The following TAF11 variants were observed in gnomAD, a reference collection of about 807,000 sequenced individuals.
TAF11 encodes transcription initiation factor TFIID subunit 11.
TAF11 carries 10 observed loss-of-function variants against 23.0 expected under a neutral mutation model. The observed-to-expected ratio is 0.43, with a 90% CI of 0.27 to 0.74. The LOEUF is 0.74. Among genes scored for constraint, TAF11 ranks in the 30% least tolerant of loss-of-function variants. The pLI, the probability that TAF11 is intolerant of heterozygous loss-of-function variation, is 0.19. For synonymous variants in TAF11, 85 were observed against 95.8 expected (o/e 0.89, Z 0.66); for missense variants, 196 against 261.7 (o/e 0.75, Z 1.73).
At position 34,882,979 on chromosome 6, in the gene TAF11, CTTTT is replaced by C; in HGVS notation, c.269_272del (p.Glu90GlyfsTer8). On this transcript the variant is annotated frameshift_variant, in exon 2 of 5. Coordinates refer to ENST00000361288, the MANE Select transcript of TAF11 (RefSeq NM_005643.4). LOFTEE classifies it high-confidence loss of function. Reference sequence around the variant, plus strand: ...CATCTACTTTCTGCTTTTTCTCTTTCTTTTCTTTGGTATCTATTTTCAGTTTTTT... The same window carrying C: ...CATCTACTTTCTGCTTTTTCTCTTTCCTTTGGTATCTATTTTCAGTTTTTT... 1 of 1,609,452 alleles carries C rather than the reference CTTTT, an allele frequency of 6.2e-7. No homozygotes were observed. Among genetic ancestry groups the C allele is most frequent in the Non-Finnish European group, 8.5e-7 (1 of 1,178,592 alleles).
Position 34,883,690 on chromosome 6 carries a change from C to T in TAF11, c.172-610G>A, listed in dbSNP as rs185912914. On this transcript the variant is annotated intron_variant, in intron 1 of 4. Coordinates refer to ENST00000361288, the MANE Select transcript of TAF11 (RefSeq NM_005643.4). ...TCTCTTATTATTTATATCTCCCCCCCATCAGCATTTAATGCAATTTTACTT... is the reference window on the plus strand; with the variant it reads ...TCTCTTATTATTTATATCTCCCCCCTATCAGCATTTAATGCAATTTTACTT... Among the ~76,000 whole-genome samples the T allele has an allele frequency of 9.8e-5, 15 of 152,290 alleles. No homozygotes were observed. In the East Asian group the frequency reaches 2.3e-3, roughly 23 times the overall value.
At chr6:34,883,568 C>G (rs1261312596) in intron 1 of TAF11, among the ~76,000 whole-genome samples, 2 of 152,234 alleles carry the variant, frequency 1.3e-5, no homozygotes, top group Non-Finnish European at 2.9e-5. Context: ...TTCAAGTGAG[C>G]TTCTCACACG....
chr6:34,881,383 A>G (rs1174027625), intron 2 of TAF11, among the ~76,000 whole-genome samples: 5 of 152,238 alleles, frequency 3.3e-5, no homozygotes, highest in Non-Finnish European at 5.9e-5. Context: ...ATATACTTAG[A>G]GTGAACTCTG....
At chr6:34,887,438 G>T (rs1184514769) in intron 1 of TAF11, among the ~76,000 whole-genome samples, 1 of 152,106 alleles carries the variant, frequency 6.6e-6, no homozygotes, top group Non-Finnish European at 1.5e-5. Context: ...GCGGTGAAAG[G>T]GGTGCTACGA....
chr6:34,885,330 G>C (rs1293742639), intron 1 of TAF11, among the ~76,000 whole-genome samples: 2 of 151,744 alleles, frequency 1.3e-5, no homozygotes, highest in Non-Finnish European at 2.9e-5. Flanking sequence ...ATAAAGCTTT[G>C]GCCAAATCCC....
At position 34,880,742 on chromosome 6, in the gene TAF11, AT is replaced by A. The variant is rs1766409203; in HGVS notation, c.321-367del. Among the ~76,000 whole-genome samples, 1 of 152,198 alleles carries A rather than the reference AT, an allele frequency of 6.6e-6. No homozygotes were observed. Among genetic ancestry groups the A allele is most frequent in the African/African-American group, 2.4e-5 (1 of 41,440 alleles). On this transcript the variant is annotated intron_variant, in intron 2 of 4. Transcript: ENST00000361288. This position sits in a 1 kb window ranked among gnomAD's most constrained non-coding sequence, Gnocchi z 4.8. ...AACCAGTAGTTTTCAACATTAACAG[AT>A]TTAGGGGAAATATCTGCAAAATATG... is the stretch of plus-strand genomic sequence containing the variant.
chr6:34,879,500 A>T, intron 4 of TAF11: 1 of 978,360 alleles, frequency 1.0e-6, no homozygotes, highest in Non-Finnish European at 1.2e-6. Flanking sequence ...TTAAAAGTAT[A>T]TATCTCCTGC....
Position 34,880,424 on chromosome 6 carries a change from C to G in TAF11, c.321-48G>C. On this transcript the variant is annotated intron_variant, in intron 2 of 4. Coordinates refer to ENST00000361288, the MANE Select transcript of TAF11 (RefSeq NM_005643.4). The surrounding 1 kb of genome is among the most constrained non-coding windows in gnomAD (Gnocchi z 4.8). ...AAGTTAACTTATAAGAACGAATACT[C>G]AAGATATTATGAAGTCAATAAAAGT... The G allele has an allele frequency of 1.3e-6, 2 of 1,551,944 alleles. No homozygotes were observed. Among genetic ancestry groups the G allele is most frequent in the Non-Finnish European group, 1.8e-6 (2 of 1,128,120 alleles).
Position 34,881,619 on chromosome 6 carries a change from A to G in TAF11, c.321-1243T>C, listed in dbSNP as rs768989269. Among the ~76,000 whole-genome samples the G allele has an allele frequency of 5.3e-5, 8 of 152,322 alleles. No individual in the cohort carries two copies. The South Asian group carries it at 1.0e-3, about 20-fold the overall frequency. ...GACATTTGTGGAAAAAAAAATTTAT[A>G]GATATATATGTATAGAAACTATCTT... On this transcript the variant is annotated intron_variant, in intron 2 of 4. Coordinates refer to ENST00000361288, the MANE Select transcript of TAF11 (RefSeq NM_005643.4).
chr6:34,881,361 T>G (rs919546195), intron 2 of TAF11, among the ~76,000 whole-genome samples: 3 of 152,222 alleles, frequency 2.0e-5, no homozygotes, highest in Non-Finnish European at 4.4e-5. Flanking sequence ...TACCCAAACA[T>G]TATACCCAAC....
Position 34,879,959 on chromosome 6 carries a change from C to G in TAF11, c.505+8G>C. The stretch of plus-strand genomic sequence containing the variant: ...TACAATCCAGTATTTGTAACCAACA[C>G]TACTCACCTTCTTCTACCACCTCCC... On this transcript the variant is annotated splice_region_variant and intron_variant, in intron 4 of 4. Transcript: ENST00000361288. The G allele has an allele frequency of 1.2e-6, 2 of 1,612,626 alleles. No homozygotes were observed. The highest frequency in any genetic ancestry group is 1.7e-6 in the Non-Finnish European group (2 of 1,178,806).
Position 34,878,505 on chromosome 6 carries a change from C to T in TAF11, c.*85G>A. 1 of 774,660 alleles carries T rather than the reference C, an allele frequency of 1.3e-6. No homozygotes were observed. The allele number at this position is 774,660 out of a possible 1,614,324, so 48.0% of individuals were successfully genotyped here. ...ATGGAATCCTTGGAGGCCTGAGATACTAAAGCACCAATGCAGACAGTCTTA... is the reference window on the plus strand; with the variant it reads ...ATGGAATCCTTGGAGGCCTGAGATATTAAAGCACCAATGCAGACAGTCTTA... On this transcript the variant is annotated 3_prime_UTR_variant, in exon 5 of 5. Coordinates refer to ENST00000361288, the MANE Select transcript of TAF11 (RefSeq NM_005643.4).
Position 34,880,146 on chromosome 6 carries a change from G to C in TAF11, c.409-83C>G, listed in dbSNP as rs1351566482. 4.5e-6 allele frequency: 7 copies of C among 1,544,202 alleles called. No individual in the cohort carries two copies. The highest frequency in any genetic ancestry group is 6.2e-6 in the Non-Finnish European group (7 of 1,121,202). ...CAGTACCAAGTAATTCACAGAAAAA[G>C]GTAAGATAACTGAAGTGCATTTTTT... On this transcript the variant is annotated intron_variant, in intron 3 of 4. Transcript: ENST00000361288. The surrounding 1 kb of genome is among the most constrained non-coding windows in gnomAD (Gnocchi z 4.8).
intron 4 of TAF11, chr6:34,879,427 T>G: frequency 1.1e-6 from 1 of 947,950 alleles, no homozygotes; most frequent in Non-Finnish European, 1.2e-6. Context: ...ATAATAAAGA[T>G]CATGCCACTG....
chr6:34,878,517 T>C lies in TAF11; in HGVS notation c.*73A>G. The C allele has an allele frequency of 1.2e-6, 1 of 832,314 alleles. No homozygotes were observed. The highest frequency in any genetic ancestry group is 2.1e-6 in the Non-Finnish European group (1 of 475,676). 51.6% of individuals were successfully genotyped at this position (832,314 alleles called of 1,614,324 possible). A position where few individuals can be genotyped will look rare whatever the true frequency, so the allele number is the denominator to read the frequency against. On this transcript the variant is annotated 3_prime_UTR_variant, in exon 5 of 5. Coordinates refer to ENST00000361288, the MANE Select transcript of TAF11 (RefSeq NM_005643.4). Reference sequence around the variant, plus strand: ...GAGGCCTGAGATACTAAAGCACCAATGCAGACAGTCTTATAGGAAGTCTGG... The same window carrying C: ...GAGGCCTGAGATACTAAAGCACCAACGCAGACAGTCTTATAGGAAGTCTGG...
chr6:34,882,891 G>C (rs1480653454), intron 2 of TAF11, 41 bp downstream of exon 2: 2 of 1,562,024 alleles, frequency 1.3e-6, no homozygotes, highest in Middle Eastern at 2.3e-4. Flanking sequence ...GTGTGGTCAA[G>C]TGAGAGCCTC....
rs758463311 is a variant in TAF11, at chr6:34,887,912, C to T, written c.46G>A (p.Gly16Arg). ...ACAGCGGCCGTCTCATCCGACTCCC[C>T]TGTCTCTCCACCTTTGTCGGAGGGC... The part of the protein sequence containing the change: ...ESPSDKGGET[G>R]ESDETAAVPG... Residue 16 changes from glycine to arginine, a missense_variant, in exon 1 of 5, where the codon GGG becomes AGG. Transcript: ENST00000361288. 8.7e-6 allele frequency: 14 copies of T among 1,614,234 alleles called. No individual in the cohort carries two copies. The highest frequency in any genetic ancestry group is 1.2e-5 in the Non-Finnish European group (14 of 1,180,044).
At chr6:34,879,894 T>A (rs1766388395) in intron 4 of TAF11, 73 bp downstream of exon 4, 1 of 1,536,858 alleles carries the variant, frequency 6.5e-7, no homozygotes, top group Non-Finnish European at 8.8e-7. Context: ...TTTAATAAGC[T>A]CCTTTGTGTA....
intron 4 of TAF11, chr6:34,879,609 C>T (rs999548810): frequency 3.6e-5 from 35 of 985,056 alleles, no homozygotes; most frequent in South Asian, 4.7e-5. Context: ...GGGATCACAA[C>T]ATTAGGGACA....
Sources: gnomAD v4.1 joint callset for allele counts (sites outside exome capture counted in the v4.1 genomes callset) on GRCh38, gnomAD v4.1.1 for gene constraint, Gnocchi (gnomAD v3.1) non-coding constraint, MANE v1.5 for transcripts, NCBI Gene and HGNC (gene_info 2026-07-23, HGNC 2026-07-21) for gene names.